The following NKAIN3 variants were observed in gnomAD, a reference collection of about 807,000 sequenced individuals.
The protein encoded by NKAIN3 is sodium/potassium-transporting ATPase subunit beta-1-interacting protein 3.
NKAIN3 carries 25 observed loss-of-function variants against 30.2 expected under a neutral mutation model. That is an observed-to-expected ratio of 0.83 (90% CI 0.60 to 1.16). The LOEUF (loss-of-function observed/expected upper bound fraction) is 1.16, where lower values mean the gene tolerates loss of function less well. Ranked by LOEUF, NKAIN3 falls within the 50% of genes most tolerant of loss-of-function variation. The probability of loss-of-function intolerance (pLI) is 0.00; values close to 1 mark genes in which losing one functional copy is unlikely to be tolerated. For synonymous variants in NKAIN3, 91 were observed against 89.6 expected, an observed-to-expected ratio of 1.02 and a Z score of -0.09; for missense variants, 225 against 254.1, an observed-to-expected ratio of 0.89 and a Z score of 0.78.
chr8:62,670,891 A>G (rs951402576), intron 3 of NKAIN3, among the ~76,000 whole-genome samples: 75 of 147,600 alleles, frequency 5.1e-4, no homozygotes, highest in African/African-American at 1.9e-3. Context: ...ACACACACAC[A>G]CACACACACA....
At chr8:62,276,072 T>G (rs746444385) in intron 1 of NKAIN3, among the ~76,000 whole-genome samples, 4 of 152,098 alleles carry the variant, frequency 2.6e-5, no homozygotes, top group Admixed American at 6.6e-5. Flanking sequence ...TTCTTTTTTC[T>G]TTTATTTTTT....
intron 1 of NKAIN3, among the ~76,000 whole-genome samples, chr8:62,437,640 T>C (rs951336701): frequency 2.0e-5 from 3 of 152,204 alleles, no homozygotes; most frequent in Non-Finnish European, 4.4e-5. Context: ...TTTAGAATTA[T>C]TCAGGTAATG....
At chr8:62,824,875 G>A (rs1304989017) in intron 4 of NKAIN3, among the ~76,000 whole-genome samples, 1 of 152,144 alleles carries the variant, frequency 6.6e-6, no homozygotes, top group Non-Finnish European at 1.5e-5. Context: ...TCCTGGAGGT[G>A]TCATGTCACT....
intron 4 of NKAIN3, among the ~76,000 whole-genome samples, chr8:62,876,617 A>C (rs1211517682): frequency 6.6e-6 from 1 of 152,200 alleles, no homozygotes; most frequent in African/African-American, 2.4e-5. Flanking sequence ...TATACACCAT[A>C]GAATGCTATG....
intron 1 of NKAIN3, among the ~76,000 whole-genome samples, chr8:62,321,202 C>A (rs1482502802): frequency 6.6e-6 from 1 of 152,152 alleles, no homozygotes; most frequent in Non-Finnish European, 1.5e-5. Flanking sequence ...TTAAGGACTT[C>A]TCTGCATTGG....
At chr8:62,505,208 A>T (rs767549310) in intron 1 of NKAIN3, among the ~76,000 whole-genome samples, 1 of 152,224 alleles carries the variant, frequency 6.6e-6, no homozygotes, top group Middle Eastern at 3.2e-3. Flanking sequence ...AACATTTATC[A>T]GTTAAGATTT....
chr8:62,381,390 T>C (rs1245996212), intron 1 of NKAIN3, among the ~76,000 whole-genome samples: 1 of 152,168 alleles, frequency 6.6e-6, no homozygotes, highest in Non-Finnish European at 1.5e-5. Context: ...TTAAATCTTC[T>C]TTATAAAGGG....
chr8:62,421,037 G>A (rs1804623341), intron 1 of NKAIN3, among the ~76,000 whole-genome samples: 1 of 152,140 alleles, frequency 6.6e-6, no homozygotes, highest in South Asian at 2.1e-4. Flanking sequence ...TCATTCTTAG[G>A]CATGCAGCCT....
At position 62,689,166 on chromosome 8, in the gene NKAIN3, T is replaced by C. The variant is rs1328441186; in HGVS notation, c.274-57766T>C. Among the ~76,000 whole-genome samples the C allele has an allele frequency of 2.6e-5, 4 of 152,212 alleles. No individual in the cohort carries two copies. The South Asian group carries it at 6.2e-4, about 24-fold the overall frequency. ...ATTTTTAAAATTCATTATATCTAGA[T>C]TGAGTTTCTAAGTTTCTCCTCATCA... On this transcript the variant is annotated intron_variant, in intron 3 of 6. Transcript: ENST00000623646.
intron 1 of NKAIN3, among the ~76,000 whole-genome samples, chr8:62,422,034 A>C (rs1804656701): frequency 2.0e-5 from 3 of 152,082 alleles, no homozygotes; most frequent in Admixed American, 2.0e-4. Flanking sequence ...TTTTAGGAAT[A>C]TTGCTAGTTG....
At chr8:62,728,384 C>T (rs1236969336) in intron 3 of NKAIN3, among the ~76,000 whole-genome samples, 4 of 152,220 alleles carry the variant, frequency 2.6e-5, no homozygotes, top group African/African-American at 4.8e-5. Flanking sequence ...ACTCCATGGC[C>T]GGGTGCGGTG....
chr8:62,302,075 G>A (rs1159132840), intron 1 of NKAIN3, among the ~76,000 whole-genome samples: 1 of 152,006 alleles, frequency 6.6e-6, no homozygotes, highest in Non-Finnish European at 1.5e-5. Flanking sequence ...AGGCTTCCAA[G>A]ATGAATAAAA....
chr8:62,345,994 C>T (rs1188376421), intron 1 of NKAIN3, among the ~76,000 whole-genome samples: 2 of 152,062 alleles, frequency 1.3e-5, no homozygotes, highest in Non-Finnish European at 2.9e-5. Flanking sequence ...CATATAACCT[C>T]ACTCTTGTGT....
intron 4 of NKAIN3, among the ~76,000 whole-genome samples, chr8:62,867,088 C>T (rs1586287617): frequency 2.7e-5 from 3 of 109,530 alleles, no homozygotes; most frequent in African/African-American, 3.8e-5. Context: ...TTTTGTTTTG[C>T]TTTGTTTCCA....
intron 1 of NKAIN3, among the ~76,000 whole-genome samples, chr8:62,371,446 A>T (rs1816905837): frequency 6.6e-6 from 1 of 151,786 alleles, no homozygotes; most frequent in Non-Finnish European, 1.5e-5. Flanking sequence ...CTCTGAGACA[A>T]TCCATTGGTT....
intron 1 of NKAIN3, among the ~76,000 whole-genome samples, chr8:62,437,854 G>A (rs1157328217): frequency 1.3e-5 from 2 of 152,116 alleles, no homozygotes; most frequent in African/African-American, 4.8e-5. Context: ...GCTATTAAAG[G>A]AGCAGTCAAC....
intron 4 of NKAIN3, 123 bp from the exon 5 acceptor site, chr8:62,918,330 G>A (rs1190661168): frequency 1.4e-6 from 1 of 719,930 alleles, no homozygotes; most frequent in Non-Finnish European, 2.4e-6. Flanking sequence ...TTTTAAAAGA[G>A]TTTTTCCACT....
At chr8:62,402,771 G>T (rs536688935) in intron 1 of NKAIN3, among the ~76,000 whole-genome samples, 1 of 152,226 alleles carries the variant, frequency 6.6e-6, no homozygotes, top group Admixed American at 6.5e-5. Flanking sequence ...TAGCCGCGTG[G>T]GAACAGACTA....
intron 1 of NKAIN3, among the ~76,000 whole-genome samples, chr8:62,438,141 G>C (rs980193093): frequency 4.6e-5 from 7 of 152,308 alleles, no homozygotes; most frequent in African/African-American, 1.4e-4. Context: ...GCTGCGCCTG[G>C]CTCCACACTC....
Sources: gnomAD v4.1 joint callset for allele counts (sites outside exome capture counted in the v4.1 genomes callset) on GRCh38, gnomAD v4.1.1 for gene constraint, MANE v1.5 for transcripts, NCBI Gene and HGNC (gene_info 2026-07-23, HGNC 2026-07-21) for gene names.